TMEM242: variants seen among roughly 807,000 people sequenced by gnomAD.
TMEM242 encodes UPF0463 transmembrane protein C6orf35.
Under a neutral mutation model 18.2 loss-of-function variants are expected in TMEM242, and 10 were observed. That is an observed-to-expected ratio of 0.55 (90% CI 0.34 to 0.93). The LOEUF (loss-of-function observed/expected upper bound fraction) is 0.93, where lower values mean the gene tolerates loss of function less well. Ranked by LOEUF, TMEM242 falls within the 40% of genes least tolerant of loss-of-function variation. TMEM242 has a pLI of 0.02. For synonymous variants in TMEM242, 57 were observed against 69.9 expected (o/e 0.81, Z 0.92); for missense variants, 186 against 175.5 (o/e 1.06, Z -0.34).
chr6:157,295,629 G>C (rs1285498674), intron 3 of TMEM242, among the ~76,000 whole-genome samples: 3 of 152,112 alleles, frequency 2.0e-5, no homozygotes, highest in Non-Finnish European at 4.4e-5. Context: ...CCTTCGGCAG[G>C]GTTACGTTTC....
At chr6:157,310,460 C>G (rs1554248289) in intron 3 of TMEM242, among the ~76,000 whole-genome samples, 3 of 150,594 alleles carry the variant, frequency 2.0e-5, no homozygotes, top group Admixed American at 2.0e-4. Context: ...CTAGCCTCAT[C>G]ACAGTGCCCC....
Position 157,322,946 on chromosome 6 carries a change from G to C in TMEM242, c.89-141C>G, listed in dbSNP as rs1432466239. 4 of 711,462 alleles carry C rather than the reference G, an allele frequency of 5.6e-6. No individual in the cohort carries two copies. In the African/African-American group the frequency reaches 7.2e-5, roughly 13 times the overall value. The allele number at this position is 711,462 out of a possible 1,614,324, so 44.1% of individuals were successfully genotyped here. On this transcript the variant is annotated intron_variant, in intron 1 of 3. Coordinates refer to ENST00000400788, the MANE Select transcript of TMEM242 (RefSeq NM_018452.6). Reference sequence around the variant, plus strand: ...TTGAAATTCAAGAAACCATGGCTAAGCAGCTCTTGCTAACAGTAAATGACA... The same window carrying C: ...TTGAAATTCAAGAAACCATGGCTAACCAGCTCTTGCTAACAGTAAATGACA...
At chr6:157,296,674 C>T (rs1777754075) in intron 3 of TMEM242, among the ~76,000 whole-genome samples, 2 of 152,172 alleles carry the variant, frequency 1.3e-5, no homozygotes, top group East Asian at 3.8e-4. Flanking sequence ...CAGAGTGAGA[C>T]TCCATCTCAA....
chr6:157,322,967 T>A (rs1452493292), intron 1 of TMEM242, among the ~76,000 whole-genome samples, 162 bp from the exon 2 acceptor site: 1 of 152,166 alleles, frequency 6.6e-6, no homozygotes, highest in Non-Finnish European at 1.5e-5. Flanking sequence ...TAACAGTAAA[T>A]GACAGCGGCT....
chr6:157,312,159 C>G (rs1583568233), intron 3 of TMEM242, among the ~76,000 whole-genome samples: 3 of 143,888 alleles, frequency 2.1e-5, no homozygotes, highest in African/African-American at 7.8e-5. Context: ...TCATAGTGTC[C>G]CAGTGTGCAC....
chr6:157,307,849 G>C (rs915648140), intron 3 of TMEM242, among the ~76,000 whole-genome samples: 4 of 152,196 alleles, frequency 2.6e-5, no homozygotes, highest in Non-Finnish European at 5.9e-5. Flanking sequence ...CTATGAAGAA[G>C]TGGAAACGAG....
intron 3 of TMEM242, among the ~76,000 whole-genome samples, chr6:157,313,064 T>C (rs1778238834): frequency 2.8e-5 from 4 of 143,760 alleles, no homozygotes; most frequent in South Asian, 2.3e-4. Context: ...GGCCTCATCA[T>C]AGGGTCCCAG....
intron 3 of TMEM242, among the ~76,000 whole-genome samples, chr6:157,317,127 T>C (rs1376112695): frequency 6.6e-6 from 1 of 152,202 alleles, no homozygotes; most frequent in Admixed American, 6.5e-5. Flanking sequence ...ATGTAAAATA[T>C]AACAAGTAAA....
At chr6:157,309,283 A>AT (rs747419693) in intron 3 of TMEM242, among the ~76,000 whole-genome samples, 110 of 150,520 alleles carry the variant, frequency 7.3e-4, no homozygotes, top group African/African-American at 1.7e-3. Context: ...TTCAACATTG[A>AT]TTTTTTTTTT....
intron 3 of TMEM242, among the ~76,000 whole-genome samples, chr6:157,310,047 C>G (rs1025492670): frequency 6.6e-6 from 1 of 152,126 alleles, no homozygotes; most frequent in African/African-American, 2.4e-5. Context: ...TCTAATCATA[C>G]CAACTAGGAA....
intron 3 of TMEM242, among the ~76,000 whole-genome samples, chr6:157,304,609 A>G (rs1777885474): frequency 6.6e-6 from 1 of 152,192 alleles, no homozygotes; most frequent in African/African-American, 2.4e-5. Context: ...GTGCGAGGAT[A>G]TAACAATGAC....
chr6:157,300,415 C>T lies in TMEM242; in HGVS notation c.328-7416G>A, dbSNP rs139385917. 4.8e-4 allele frequency among the ~76,000 whole-genome samples: 73 copies of T among 152,336 alleles called. 3 individuals carry two copies. The East Asian group carries it at 7.5e-3, about 16-fold the overall frequency. On this transcript the variant is annotated intron_variant, in intron 3 of 3. Transcript: ENST00000400788. ...ATAGTTGACATGCTTAAGAGGTTAACCCAGATCCCCGGAATTACTAGTTTT... is the reference window on the plus strand; with the variant it reads ...ATAGTTGACATGCTTAAGAGGTTAATCCAGATCCCCGGAATTACTAGTTTT...
chr6:157,304,490 A>AAG (rs1241198895), intron 3 of TMEM242, among the ~76,000 whole-genome samples: 30 of 69,970 alleles, frequency 4.3e-4, no homozygotes, highest in Admixed American at 1.2e-3. Flanking sequence ...AAAAAAAAAA[A>AAG]AGAGAGAGAG....
chr6:157,306,053 C>T (rs1777914235), intron 3 of TMEM242, among the ~76,000 whole-genome samples: 1 of 152,178 alleles, frequency 6.6e-6, no homozygotes, highest in Non-Finnish European at 1.5e-5. Context: ...CACACCACAG[C>T]AGAGAAGGAA....
At chr6:157,294,441 C>T (rs1481288968) in intron 3 of TMEM242, among the ~76,000 whole-genome samples, 2 of 148,958 alleles carry the variant, frequency 1.3e-5, no homozygotes. Flanking sequence ...AGCTCCGCCT[C>T]CCGGGTTCAC....
chr6:157,313,118 A>ATCCGGCATCATCATAGTGT lies in TMEM242; in HGVS notation c.327+5663_327+5664insACACTATGATGATGCCGGA, dbSNP rs1562385923. On this transcript the variant is annotated intron_variant, in intron 3 of 3. Transcript: ENST00000400788. ...CATCAAAGTGTCCCAGTGTGTGCTC[A>ATCCGGCATCATCATAGTGT]CCCGGCCTCATCATAGTGTCCCAGT... is the stretch of plus-strand genomic sequence containing the variant. Among the ~76,000 whole-genome samples, 893 of 146,440 alleles carry ATCCGGCATCATCATAGTGT rather than the reference A, an allele frequency of 6.1e-3. 177 individuals carry two copies. The highest frequency in any genetic ancestry group is 0.018 in the East Asian group (84 of 4,750).
intron 3 of TMEM242, among the ~76,000 whole-genome samples, chr6:157,294,041 T>C (rs1181136607): frequency 1.3e-5 from 2 of 152,046 alleles, no homozygotes; most frequent in South Asian, 2.1e-4. Flanking sequence ...TAACATGCAG[T>C]GTCACACAGT....
In TMEM242 at chr6:157,291,318, CGAGTAAA is replaced by C. The variant is rs1777680732; in HGVS notation, c.*1576_*1582del. On this transcript the variant is annotated 3_prime_UTR_variant, in exon 4 of 4. Coordinates refer to ENST00000400788, the MANE Select transcript of TMEM242 (RefSeq NM_018452.6). ...CCATTCTTTTTCCCCCCACATCAAA[CGAGTAAA>C]GTGCATCGTTGTAACAAGGTTTGAG... is the stretch of plus-strand genomic sequence containing the variant. The C allele has an allele frequency of 7.0e-6, 1 of 142,596 alleles. No homozygotes were observed. Among genetic ancestry groups the C allele is most frequent in the Admixed American group, 7.2e-5 (1 of 13,904 alleles). 8.8% of individuals were successfully genotyped at this position (142,596 alleles called of 1,614,324 possible).
Position 157,304,462 on chromosome 6 carries a change from CAAAAAAAAAAAAAAAAA to C in TMEM242, c.328-11480_328-11464del, listed in dbSNP as rs782782714. ...CCTGGGTGACAGAGTGAGACTCTGT[CAAAAAAAAAAAAAAAAA>C]AAAAAAAAAAAAGAGAGAGAGAGAG... On this transcript the variant is annotated intron_variant, in intron 3 of 3. Transcript: ENST00000400788. Among the ~76,000 whole-genome samples the C allele has an allele frequency of 8.9e-5, 6 of 67,260 alleles. No homozygotes were observed. The Admixed American group carries it at 1.2e-3, about 13-fold the overall frequency. 44.1% of individuals were successfully genotyped at this position (67,260 alleles called of 152,430 possible).
Sources: allele counts gnomAD v4.1 joint callset (sites outside exome capture counted in the v4.1 genomes callset), GRCh38; gene constraint gnomAD v4.1.1; transcripts MANE v1.5; gene names NCBI Gene and HGNC (gene_info 2026-07-23, HGNC 2026-07-21).